Variants in RYR2 observed in about 807,000 individuals in gnomAD.
The protein encoded by RYR2 is ryanodine receptor 2.
A neutral mutation model predicts 601.1 loss-of-function variants in RYR2; 227 were observed. The ratio of observed to expected loss-of-function variants is 0.38; its 90% confidence interval spans 0.34 to 0.42. The LOEUF (loss-of-function observed/expected upper bound fraction) is 0.42. Ranked by LOEUF, RYR2 falls within the 10% of genes least tolerant of loss-of-function variation. RYR2 has a pLI of 1.00. For missense variants in RYR2, 4,646 were observed against 6,156.5 expected, an observed-to-expected ratio of 0.75 and a Z score of 8.21; for synonymous variants, 2,223 against 2,175.1, an observed-to-expected ratio of 1.02 and a Z score of -0.61.
intron 7 of RYR2, among the ~76,000 whole-genome samples, chr1:237,376,727 A>G (rs902097204): frequency 6.6e-6 from 1 of 152,170 alleles, no homozygotes; most frequent in Admixed American, 6.6e-5. Context: ...AAGATCTTTT[A>G]TAATTCATTT....
chr1:237,145,696 T>G (rs1320459894), intron 1 of RYR2, among the ~76,000 whole-genome samples: 1 of 152,210 alleles, frequency 6.6e-6, no homozygotes, highest in East Asian at 1.9e-4. Flanking sequence ...ATGACCCAGT[T>G]CTAGATGACC....
intron 8 of RYR2, among the ~76,000 whole-genome samples, chr1:237,386,335 G>A (rs1188605630): frequency 2.0e-5 from 3 of 152,202 alleles, no homozygotes; most frequent in African/African-American, 7.2e-5. Flanking sequence ...CCCGTAGGAT[G>A]TTTAAAAGGC....
rs763241336 is a variant in RYR2, at chr1:237,641,497, C to CTT, written c.7221+497_7221+498dup. Among the ~76,000 whole-genome samples the CTT allele has an allele frequency of 3.3e-3, 373 of 112,442 alleles. 11 individuals carry two copies. The East Asian group carries it at 0.055, about 16-fold the overall frequency. The allele number at this position is 112,442 out of a possible 152,430, so 73.8% of individuals were successfully genotyped here. On this transcript the variant is annotated intron_variant, in intron 47 of 104. Transcript: ENST00000366574. ...TCTTTCTTTCTTTCTTTCTTTCTTTCTTTCTTTCTTTCTTTCTTTCTTTCT... is the reference window on the plus strand; with the variant it reads ...TCTTTCTTTCTTTCTTTCTTTCTTTCTTTTTCTTTCTTTCTTTCTTTCTTTCT...
rs550101665 is a variant in RYR2, at chr1:237,524,990, G to A, written c.2823-5437G>A. ...TAACATAGGTATATTGCTATGTACA[G>A]AGATACATAGGAATTTACCTATGTG... On this transcript the variant is annotated intron_variant, in intron 24 of 104. Coordinates refer to ENST00000366574, the MANE Select transcript of RYR2 (RefSeq NM_001035.3). 4.6e-5 allele frequency among the ~76,000 whole-genome samples: 7 copies of A among 152,206 alleles called. No individual in the cohort carries two copies. In the East Asian group the frequency reaches 1.2e-3, roughly 25 times the overall value.
intron 1 of RYR2, among the ~76,000 whole-genome samples, chr1:237,092,048 T>C (rs76664657): frequency 0.024 from 3,675 of 152,338 alleles, 93 homozygotes; most frequent in East Asian, 0.12. Context: ...CTCTCTGGTC[T>C]TGATTTGACA....
Position 237,654,468 on chromosome 1 carries a change from A to T in RYR2, c.7965+54A>T. 3.2e-6 allele frequency: 5 copies of T among 1,560,560 alleles called. No individual in the cohort carries two copies. The South Asian group carries it at 5.7e-5, about 18-fold the overall frequency. ...TATCAATAAAATGGTATAGAGCCAC[A>T]CATTCTTAGTAAGATAGTATTCCTA... On this transcript the variant is annotated intron_variant, in intron 52 of 104. Transcript: ENST00000366574.
chr1:237,807,904 G>A (rs931701720), intron 99 of RYR2, among the ~76,000 whole-genome samples: 9 of 152,140 alleles, frequency 5.9e-5, no homozygotes, highest in Admixed American at 1.3e-4. Context: ...TAGTATGGTC[G>A]AATTTCTGTG....
intron 17 of RYR2, among the ~76,000 whole-genome samples, chr1:237,481,770 T>G (rs529771860): frequency 3.1e-5 from 4 of 127,318 alleles, no homozygotes; most frequent in Non-Finnish European, 6.2e-5. Flanking sequence ...TACACATAAC[T>G]CAGATTCTTT....
chr1:237,728,589 A>C (rs1298123740), intron 76 of RYR2, among the ~76,000 whole-genome samples: 1 of 152,120 alleles, frequency 6.6e-6, no homozygotes, highest in East Asian at 1.9e-4. Flanking sequence ...TACACCATGG[A>C]ATACTATGCA....
intron 1 of RYR2, among the ~76,000 whole-genome samples, chr1:237,068,559 T>C (rs1276863939): frequency 6.6e-6 from 1 of 152,178 alleles, no homozygotes; most frequent in Admixed American, 6.5e-5. Flanking sequence ...TCTCAATTCT[T>C]AGGGGCTTTT....
intron 1 of RYR2, among the ~76,000 whole-genome samples, chr1:237,126,236 C>CAA (rs35923495): frequency 0.033 from 4,704 of 140,480 alleles, 91 homozygotes; most frequent in African/African-American, 0.057. Flanking sequence ...GACTCTGTCT[C>CAA]AAAAAAAAAA....
rs964986584 is a variant in RYR2 at position 237,610,413 on chromosome 1, C to G, written c.4684-349C>G. Among the ~76,000 whole-genome samples, 4 of 151,892 alleles carry G rather than the reference C, an allele frequency of 2.6e-5. No homozygotes were observed. Among genetic ancestry groups the G allele is most frequent in the African/African-American group, 9.7e-5 (4 of 41,374 alleles). On this transcript the variant is annotated intron_variant, in intron 35 of 104. Coordinates refer to ENST00000366574, the MANE Select transcript of RYR2 (RefSeq NM_001035.3). This position sits in a 1 kb window ranked among gnomAD's most constrained non-coding sequence, Gnocchi z 4.9. ...TTCAGGAAGTTTGGCACTGAAAGTC[C>G]CTAAAGACTTGCCAGCTTTCCCGGA...
chr1:237,504,136 ATTAC>A (rs1664962808), intron 22 of RYR2, among the ~76,000 whole-genome samples: 2 of 152,244 alleles, frequency 1.3e-5, no homozygotes, highest in African/African-American at 4.8e-5. Context: ...AATAATTAAT[ATTAC>A]TTAGTTTATA....
chr1:237,343,034 C>T (rs1697966669), intron 3 of RYR2, among the ~76,000 whole-genome samples: 1 of 152,034 alleles, frequency 6.6e-6, no homozygotes, highest in African/African-American at 2.4e-5. Context: ...CGTGGTGACA[C>T]TGTCTCTACA....
chr1:237,794,328 A>AG (rs35746192), intron 95 of RYR2, among the ~76,000 whole-genome samples: 101,669 of 151,496 alleles, frequency 0.67, 34,612 homozygotes, highest in East Asian at 0.95. Flanking sequence ...ATCCAAAAGC[A>AG]GAGGCAAAAA....
chr1:237,374,622 C>T lies in RYR2; in HGVS notation c.385-95C>T, dbSNP rs1572034665. ...GCAGTGAGCTGTGATCACGCCACTGCACTTCCAGCCTGAGCTACAGAGCAA... is the reference window on the plus strand; with the variant it reads ...GCAGTGAGCTGTGATCACGCCACTGTACTTCCAGCCTGAGCTACAGAGCAA... On this transcript the variant is annotated intron_variant, in intron 6 of 104. Coordinates refer to ENST00000366574, the MANE Select transcript of RYR2 (RefSeq NM_001035.3). 4 of 988,714 alleles carry T rather than the reference C, an allele frequency of 4.0e-6. No individual in the cohort carries two copies. In the East Asian group the frequency reaches 1.1e-4, roughly 26 times the overall value. The allele number at this position is 988,714 out of a possible 1,614,324, so 61.2% of individuals were successfully genotyped here.
intron 27 of RYR2, among the ~76,000 whole-genome samples, chr1:237,558,458 T>C (rs751299332): frequency 5.3e-5 from 8 of 152,216 alleles, no homozygotes; most frequent in Non-Finnish European, 1.0e-4. Flanking sequence ...CTTTATGTTT[T>C]CTGATAAGGC....
chr1:237,738,056 C>T (rs1691300511), intron 79 of RYR2, among the ~76,000 whole-genome samples: 1 of 152,098 alleles, frequency 6.6e-6, no homozygotes, highest in African/African-American at 2.4e-5. Flanking sequence ...TTTCACTTGG[C>T]CTTCATGGTT....
chr1:237,133,794 A>G (rs1252637142), intron 1 of RYR2, among the ~76,000 whole-genome samples: 1 of 151,972 alleles, frequency 6.6e-6, no homozygotes, highest in African/African-American at 2.4e-5. Flanking sequence ...GCATGGTGGC[A>G]CATTCCTGTA....
Sources: gnomAD v4.1 joint callset for allele counts (sites outside exome capture counted in the v4.1 genomes callset) on GRCh38, gnomAD v4.1.1 for gene constraint, Gnocchi (gnomAD v3.1) non-coding constraint, MANE v1.5 for transcripts, NCBI Gene and HGNC (gene_info 2026-07-23, HGNC 2026-07-21) for gene names.